MACROD2: variants seen among roughly 807,000 people sequenced by gnomAD.
The protein encoded by MACROD2 is ADP-ribose glycohydrolase MACROD2.
MACROD2 carries 36 observed loss-of-function variants against 70.4 expected under a neutral mutation model. That is an observed-to-expected ratio of 0.51 (90% CI 0.39 to 0.68). The LOEUF is 0.68. MACROD2 is among the 30% of genes least tolerant of loss of function. The pLI is 0.00. For synonymous variants in MACROD2, 172 were observed against 178.8 expected, an observed-to-expected ratio of 0.96 and a Z score of 0.30; for missense variants, 496 against 538.4, an observed-to-expected ratio of 0.92 and a Z score of 0.78.
chr20:14,440,311 A>G (rs922184895), intron 3 of MACROD2, among the ~76,000 whole-genome samples: 1 of 152,068 alleles, frequency 6.6e-6, no homozygotes, highest in African/African-American at 2.4e-5. Flanking sequence ...GCCCAACACA[A>G]CTTCATAAAC....
intron 5 of MACROD2, among the ~76,000 whole-genome samples, chr20:14,828,871 T>A (rs915808449): frequency 1.3e-5 from 2 of 152,050 alleles, no homozygotes; most frequent in African/African-American, 4.8e-5. Flanking sequence ...ACCAAAAAAA[T>A]GGACAAGTTC....
intron 5 of MACROD2, among the ~76,000 whole-genome samples, chr20:15,133,121 A>G (rs1432963643): frequency 2.0e-5 from 3 of 152,104 alleles, no homozygotes; most frequent in Non-Finnish European, 4.4e-5. Flanking sequence ...TGCTAAATGT[A>G]CTTAGAATCT....
chr20:14,724,975 A>G (rs961549796), intron 5 of MACROD2, among the ~76,000 whole-genome samples: 1 of 152,174 alleles, frequency 6.6e-6, no homozygotes, highest in African/African-American at 2.4e-5. Context: ...GAGAAATAGT[A>G]GTGGATTAGA....
In MACROD2 at chr20:14,898,511, G is replaced by A. The variant is rs183385910; in HGVS notation, c.418+213552G>A. 1.0e-3 allele frequency among the ~76,000 whole-genome samples: 156 copies of A among 152,202 alleles called. 1 individual carries two copies. The East Asian group carries it at 0.023, about 23-fold the overall frequency. ...TGGGAGGCCGAGGCGGGCAGATCAC[G>A]AGGCCAGGAGTTCGAGACCAGCCTG... On this transcript the variant is annotated intron_variant, in intron 5 of 17. Transcript: ENST00000684519.
intron 4 of MACROD2, among the ~76,000 whole-genome samples, chr20:14,498,971 G>A (rs1199569430): frequency 6.6e-6 from 1 of 152,178 alleles, no homozygotes; most frequent in African/African-American, 2.4e-5. Context: ...CAGCAGGGAG[G>A]GACTGAGGCA....
At chr20:15,956,180 T>C (rs575599062) in intron 12 of MACROD2, among the ~76,000 whole-genome samples, 2 of 152,286 alleles carry the variant, frequency 1.3e-5, no homozygotes, top group South Asian at 2.1e-4. Context: ...GAATGTGTTG[T>C]AGGAATTGTC....
At chr20:15,016,818 T>G (rs1447408546) in intron 5 of MACROD2, among the ~76,000 whole-genome samples, 3 of 152,112 alleles carry the variant, frequency 2.0e-5, no homozygotes. Flanking sequence ...AAATCCCTGA[T>G]AAACCCATCA....
intron 8 of MACROD2, among the ~76,000 whole-genome samples, chr20:15,568,417 T>G (rs1204735147): frequency 6.6e-6 from 1 of 152,174 alleles, no homozygotes; most frequent in Non-Finnish European, 1.5e-5. Flanking sequence ...CACAGAGACT[T>G]TATCCCTTGC....
At chr20:15,079,877 A>G (rs976376822) in intron 5 of MACROD2, among the ~76,000 whole-genome samples, 1 of 152,082 alleles carries the variant, frequency 6.6e-6, no homozygotes, top group Non-Finnish European at 1.5e-5. Flanking sequence ...TTCCTCAGTC[A>G]TTAACATCAT....
intron 15 of MACROD2, among the ~76,000 whole-genome samples, chr20:15,993,640 T>C (rs1300752285): frequency 3.3e-5 from 5 of 152,192 alleles, no homozygotes; most frequent in East Asian, 1.9e-4. Context: ...TTAGGAATTA[T>C]GGCTATATGG....
At chr20:15,110,837 T>G (rs190067353) in intron 5 of MACROD2, among the ~76,000 whole-genome samples, 27 of 152,314 alleles carry the variant, frequency 1.8e-4, no homozygotes, top group Admixed American at 3.9e-4. Context: ...GAGAGCCAGT[T>G]ACATTGCTGC....
intron 5 of MACROD2, among the ~76,000 whole-genome samples, chr20:15,168,441 ATGTG>A (rs56188346): frequency 0.16 from 22,144 of 134,484 alleles, 1,836 homozygotes; most frequent in East Asian, 0.33. Flanking sequence ...ACATTGTGGG[ATGTG>A]TGTGTGTGTG....
intron 6 of MACROD2, among the ~76,000 whole-genome samples, chr20:15,249,814 C>T (rs1177449389): frequency 6.6e-6 from 1 of 152,138 alleles, no homozygotes; most frequent in East Asian, 1.9e-4. Context: ...CGGCAGGGGC[C>T]GAGCTGGTTC....
chr20:15,175,743 C>T (rs143455070), intron 5 of MACROD2, among the ~76,000 whole-genome samples: 98 of 152,312 alleles, frequency 6.4e-4, no homozygotes, highest in African/African-American at 2.0e-3. Flanking sequence ...ATGGCAGTGG[C>T]GGCCCATCTG....
intron 3 of MACROD2, among the ~76,000 whole-genome samples, chr20:14,466,913 A>G (rs1312849421): frequency 2.0e-5 from 3 of 152,004 alleles, no homozygotes; most frequent in Non-Finnish European, 4.4e-5. Context: ...TCAGAGGAGT[A>G]CCCGGCTGTG....
intron 5 of MACROD2, among the ~76,000 whole-genome samples, chr20:15,181,265 A>G (rs1163949711): frequency 6.6e-6 from 1 of 152,254 alleles, no homozygotes; most frequent in African/African-American, 2.4e-5. Flanking sequence ...GAAACCTCGT[A>G]TAAAGTGGGC....
At chr20:15,909,790 T>A (rs551346568) in intron 10 of MACROD2, among the ~76,000 whole-genome samples, 1 of 152,284 alleles carries the variant, frequency 6.6e-6, no homozygotes, top group African/African-American at 2.4e-5. Context: ...CCCAAAGTGC[T>A]GGGATTATAG....
intron 8 of MACROD2, among the ~76,000 whole-genome samples, chr20:15,557,403 G>T (rs1420597382): frequency 6.6e-6 from 1 of 152,148 alleles, no homozygotes; most frequent in Non-Finnish European, 1.5e-5. Flanking sequence ...CTACACTTCA[G>T]ATGCAGAGAG....
intron 8 of MACROD2, among the ~76,000 whole-genome samples, chr20:15,837,090 G>T (rs899710740): frequency 6.6e-6 from 1 of 152,050 alleles, no homozygotes; most frequent in Admixed American, 6.6e-5. Context: ...TTCTCTCTAG[G>T]TTGCCAAGAA....
Sources: allele counts gnomAD v4.1 joint callset (sites outside exome capture counted in the v4.1 genomes callset), GRCh38; gene constraint gnomAD v4.1.1; transcripts MANE v1.5; gene names NCBI Gene and HGNC (gene_info 2026-07-23, HGNC 2026-07-21).